Variants in CPNE1 observed in about 807,000 individuals in gnomAD.
The protein encoded by CPNE1 is copine-1.
Under a neutral mutation model 63.2 loss-of-function variants are expected in CPNE1, and 58 were observed. The ratio of observed to expected loss-of-function variants is 0.92; its 90% CI spans 0.74 to 1.14. The LOEUF (loss-of-function observed/expected upper bound fraction) is 1.14, where lower values mean the gene tolerates loss of function less well. Ranked by LOEUF, CPNE1 falls within the 50% of genes most tolerant of loss-of-function variation. The pLI, the probability that CPNE1 is intolerant of heterozygous loss-of-function variation, is 0.00. For synonymous variants in CPNE1, 237 were observed against 249.0 expected, an observed-to-expected ratio of 0.95 and a Z score of 0.45; for missense variants, 672 against 661.7, an observed-to-expected ratio of 1.02 and a Z score of -0.17.
At chr20:35,663,399 A>T (rs1266641654) in intron 1 of CPNE1, among the ~76,000 whole-genome samples, 4 of 152,222 alleles carry the variant, frequency 2.6e-5, no homozygotes, top group Non-Finnish European at 5.9e-5. Flanking sequence ...TGCAAAAATT[A>T]CACCATTTCA....
Position 35,646,189 on chromosome 20 carries a change from C to G in CPNE1, c.1-13266G>C, listed in dbSNP as rs1353425782. 2.2e-5 allele frequency among the ~76,000 whole-genome samples: 3 copies of G among 136,144 alleles called. No homozygotes were observed. In the South Asian group the frequency reaches 6.8e-4, roughly 31 times the overall value. The allele number at this position is 136,144 out of a possible 152,430, so 89.3% of individuals were successfully genotyped here. On this transcript the variant is annotated intron_variant, in intron 1 of 15. Coordinates refer to ENST00000397443, the MANE Select transcript of CPNE1 (RefSeq NM_152925.3). ...GCAGGATTGCTTGAGCCCAGGACAT[C>G]GAGGTTACAGTGAGCTGACTGTACC...
intron 1 of CPNE1, among the ~76,000 whole-genome samples, chr20:35,633,435 GGA>G (rs1329158385): frequency 6.6e-6 from 1 of 152,160 alleles, no homozygotes; most frequent in Non-Finnish European, 1.5e-5. Flanking sequence ...CTCTTGTGGT[GGA>G]GTTATGATCC....
At chr20:35,640,341 G>C (rs2032732493) in intron 1 of CPNE1, among the ~76,000 whole-genome samples, 1 of 152,022 alleles carries the variant, frequency 6.6e-6, no homozygotes, top group Non-Finnish European at 1.5e-5. Flanking sequence ...CTTTAAACCA[G>C]ACTCATGTAT....
At chr20:35,645,024 T>C (rs1278035010) in intron 1 of CPNE1, among the ~76,000 whole-genome samples, 2 of 152,312 alleles carry the variant, frequency 1.3e-5, no homozygotes, top group East Asian at 3.9e-4. Context: ...TCTTTTAATG[T>C]CTATCACCTG....
chr20:35,627,319 G>A lies in CPNE1; in HGVS notation c.1197C>T (p.Ala399=), dbSNP rs2031820947. 2 of 1,613,702 alleles carry A rather than the reference G, an allele frequency of 1.2e-6. No homozygotes were observed. The highest frequency in any genetic ancestry group is 1.7e-6 in the Non-Finnish European group (2 of 1,179,902). Residue 399 remains alanine, a synonymous_variant, in exon 14 of 16, where the codon GCC becomes GCT. Coordinates refer to ENST00000397443, the MANE Select transcript of CPNE1 (RefSeq NM_152925.3). ...TNFAPIINHV[A]RFAAQAAHQG... is the part of the protein sequence containing the mutation. Reference sequence around the variant, plus strand: ...GATGTGCAGCCTGGGCTGCAAACCTGGCCACATGGTTGATGATGGGTGCAA... The same window carrying A: ...GATGTGCAGCCTGGGCTGCAAACCTAGCCACATGGTTGATGATGGGTGCAA...
chr20:35,654,925 A>C, intron 1 of CPNE1: 1 of 1,614,118 alleles, frequency 6.2e-7, no homozygotes, highest in South Asian at 1.1e-5. Flanking sequence ...GGCAGTAACT[A>C]CACTGGGTGA....
At chr20:35,637,326 C>T (rs985381802) in intron 1 of CPNE1, among the ~76,000 whole-genome samples, 3 of 152,070 alleles carry the variant, frequency 2.0e-5, no homozygotes, top group Admixed American at 6.6e-5. Flanking sequence ...GCAAAGCTAC[C>T]TTGCTGCACA....
intron 3 of CPNE1, 35 bp from the exon 4 acceptor site, chr20:35,632,420 C>G (rs573636528): frequency 1.2e-6 from 2 of 1,610,922 alleles, no homozygotes; most frequent in South Asian, 2.2e-5. Flanking sequence ...TTCAGGATAA[C>G]AGGCAGGGTT....
At chr20:35,628,004 G>A (rs188965540) in intron 13 of CPNE1, among the ~76,000 whole-genome samples, 4 of 152,112 alleles carry the variant, frequency 2.6e-5, no homozygotes, top group Non-Finnish European at 5.9e-5. Context: ...AACTAAGGCC[G>A]GGCGCAGTGG....
intron 4 of CPNE1, 34 bp downstream of exon 4, chr20:35,632,272 GATGTT>G (rs1161428768): frequency 6.2e-7 from 1 of 1,612,698 alleles, no homozygotes; most frequent in Non-Finnish European, 8.5e-7. Flanking sequence ...TGAATTCATT[GATGTT>G]AAGTCCCTCC....
chr20:35,631,122 T>C lies in CPNE1; in HGVS notation c.853A>G (p.Asn285Asp). The part of the protein sequence containing the change: ...LDYVMGGCQI[N>D]FTVGVDFTGS... ...TTGGTAAAGTAACTTACAGTGAAGT[T>C]GATCTGACAGCCTCCCATCACATAG... The change falls in exon 10 of 16, where the codon AAC becomes GAC. Residue 285 changes from asparagine to aspartate, a missense_variant. By Grantham distance (23) the Asn-to-Asp change is conservative (BLOSUM62 1). Transcript: ENST00000397443. The C allele has an allele frequency of 6.2e-7, 1 of 1,614,102 alleles. No homozygotes were observed. Among genetic ancestry groups the C allele is most frequent in the Non-Finnish European group, 8.5e-7 (1 of 1,180,020 alleles).
At chr20:35,634,243 C>T (rs1483790774) in intron 1 of CPNE1, among the ~76,000 whole-genome samples, 3 of 132,986 alleles carry the variant, frequency 2.3e-5, no homozygotes, top group African/African-American at 2.9e-5. Context: ...CCTGGGGGAC[C>T]GAGGTTGACT....
chr20:35,645,791 A>C (rs1307069007), intron 1 of CPNE1, among the ~76,000 whole-genome samples: 2 of 152,340 alleles, frequency 1.3e-5, no homozygotes, highest in East Asian at 3.9e-4. Context: ...AAACCACAGA[A>C]GGGAGTTATG....
chr20:35,634,765 G>A (rs1427671986), intron 1 of CPNE1, among the ~76,000 whole-genome samples: 1 of 151,802 alleles, frequency 6.6e-6, no homozygotes, highest in Non-Finnish European at 1.5e-5. Flanking sequence ...TCGTGAGACA[G>A]AGTCTCACTG....
At chr20:35,660,241 C>T (rs1160241918) in intron 1 of CPNE1, among the ~76,000 whole-genome samples, 6 of 151,818 alleles carry the variant, frequency 4.0e-5, no homozygotes, top group Admixed American at 1.3e-4. Context: ...ATCGCTCTGT[C>T]GCCCAGGCTA....
intron 1 of CPNE1, chr20:35,651,506 A>G (rs1161138236): frequency 6.6e-6 from 1 of 152,254 alleles, no homozygotes; most frequent in Non-Finnish European, 1.5e-5. Context: ...CTGCTAACAA[A>G]GATAATTTCA....
rs772421629 is a variant in CPNE1, at chr20:35,627,284, G to T, written c.1232C>A (p.Ala411Asp). ...FAAQAAHQGT[A>D]SQYFMLLLLT... The stretch of plus-strand genomic sequence containing the variant: ...ACTGCCACCCACGACTCTCACCGAG[G>T]CAGTCCCCTGATGTGCAGCCTGGGC... The change falls in exon 14 of 16, where the codon GCC becomes GAC. Residue 411 changes from alanine to aspartate, a missense_variant. Ala to Asp is a moderately radical substitution (Grantham distance 126). Transcript: ENST00000397443. 3.7e-6 allele frequency: 6 copies of T among 1,611,628 alleles called. No homozygotes were observed. The highest frequency in any genetic ancestry group is 5.1e-6 in the Non-Finnish European group (6 of 1,178,822).
intron 1 of CPNE1, among the ~76,000 whole-genome samples, chr20:35,646,013 C>T (rs1389627494): frequency 6.6e-6 from 1 of 151,700 alleles, no homozygotes; most frequent in Non-Finnish European, 1.5e-5. Flanking sequence ...GAGGCCAAGG[C>T]GGGAGCATCA....
intron 1 of CPNE1, chr20:35,652,604 G>A (rs771201211): frequency 1.2e-6 from 2 of 1,614,134 alleles, no homozygotes; most frequent in Non-Finnish European, 1.7e-6. Flanking sequence ...GCTTCATCCC[G>A]AGACTCAAAG....
Sources: allele counts gnomAD v4.1 joint callset (sites outside exome capture counted in the v4.1 genomes callset), GRCh38; gene constraint gnomAD v4.1.1; transcripts MANE v1.5; gene names NCBI Gene and HGNC (gene_info 2026-07-23, HGNC 2026-07-21).